Variants in CLGN observed in about 807,000 individuals in gnomAD.
The protein encoded by CLGN is testis tissue sperm-binding protein Li 79P.
A neutral mutation model predicts 79.1 loss-of-function variants in CLGN; 62 were observed. That is an observed-to-expected ratio of 0.78 (90% CI 0.64 to 0.97). CLGN has a LOEUF of 0.97. Among genes scored for constraint, CLGN ranks in the 50% least tolerant of loss-of-function variants. CLGN has a pLI of 0.00. For missense variants in CLGN, 647 were observed against 715.5 expected, an observed-to-expected ratio of 0.90 and a Z score of 1.09; for synonymous variants, 225 against 224.7, an observed-to-expected ratio of 1.00 and a Z score of -0.01.
At chr4:140,400,265 G>A in intron 7 of CLGN, 92 bp downstream of exon 7, 1 of 845,506 alleles carries the variant, frequency 1.2e-6, no homozygotes, top group Non-Finnish European at 1.9e-6. Context: ...TCAGGATGGG[G>A]TACACATTTG....
chr4:140,392,505 T>C, intron 12 of CLGN, 81 bp downstream of exon 12: 1 of 1,505,872 alleles, frequency 6.6e-7, no homozygotes, highest in Non-Finnish European at 8.9e-7. Flanking sequence ...TTTATTACTT[T>C]TAAGAATCGC....
chr4:140,405,169 TTTTA>T (rs1281941569), intron 5 of CLGN, among the ~76,000 whole-genome samples: 2 of 81,460 alleles, frequency 2.5e-5, no homozygotes, highest in African/African-American at 6.9e-5. Context: ...AAGTAATTTT[TTTTA>T]TTTTTATTTT....
chr4:140,395,703 A>T (rs1026039506), intron 10 of CLGN, 116 bp downstream of exon 10: 2 of 810,602 alleles, frequency 2.5e-6, no homozygotes, highest in Non-Finnish European at 3.5e-6. Context: ...ATTTTCTTTG[A>T]CATCTTAAAA....
intron 1 of CLGN, among the ~76,000 whole-genome samples, chr4:140,414,030 C>T (rs1341636496): frequency 6.6e-6 from 1 of 152,236 alleles, no homozygotes; most frequent in Non-Finnish European, 1.5e-5. Flanking sequence ...AGACTGCCTC[C>T]TCAAGTGGGT....
rs769440053 is a variant in CLGN at position 140,395,807 on chromosome 4, A to C, written c.1149+12T>G. On this transcript the variant is annotated intron_variant, in intron 10 of 14. Transcript: ENST00000325617. ...TTAACTTCACTAAATAATTGGAACA[A>C]GCGGTTGTTACCTGATAGTTAGGAT... The C allele has an allele frequency of 5.7e-6, 8 of 1,413,402 alleles. No homozygotes were observed. Among genetic ancestry groups the C allele is most frequent in the Non-Finnish European group, 7.4e-6 (8 of 1,080,286 alleles). The allele number at this position is 1,413,402 out of a possible 1,614,324, so 87.6% of individuals were successfully genotyped here. A position where few individuals can be genotyped will look rare whatever the true frequency, so the allele number is the denominator to read the frequency against.
chr4:140,406,157 A>T, intron 4 of CLGN, 74 bp from the exon 5 acceptor site: 1 of 1,443,414 alleles, frequency 6.9e-7, no homozygotes, highest in Non-Finnish European at 9.4e-7. Flanking sequence ...AGCAGTTGTG[A>T]ACAATAATTT....
At chr4:140,408,884 T>TATATATAC (rs778910042) in intron 4 of CLGN, among the ~76,000 whole-genome samples, 9 of 145,592 alleles carry the variant, frequency 6.2e-5, no homozygotes, top group East Asian at 6.0e-4. Flanking sequence ...TATATATATA[T>TATATATAC]ACACACACAC....
At chr4:140,390,997 C>A (rs1458205175) in intron 13 of CLGN, among the ~76,000 whole-genome samples, 2 of 151,652 alleles carry the variant, frequency 1.3e-5, no homozygotes, top group East Asian at 3.9e-4. Context: ...AAATAATAAT[C>A]TTTCCTGTGT....
At chr4:140,397,415 A>T (rs538439679) in intron 8 of CLGN, among the ~76,000 whole-genome samples, 7 of 150,042 alleles carry the variant, frequency 4.7e-5, no homozygotes, top group African/African-American at 1.5e-4. Context: ...ATTGAAAATA[A>T]TTTTTCCTGG....
chr4:140,414,153 G>C (rs922125660), intron 1 of CLGN, among the ~76,000 whole-genome samples: 1 of 152,144 alleles, frequency 6.6e-6, no homozygotes, highest in African/African-American at 2.4e-5. Flanking sequence ...TCTGTTAGAA[G>C]GAAAACTAAC....
At chr4:140,415,489 TA>T (rs1323404849) in intron 1 of CLGN, among the ~76,000 whole-genome samples, 3 of 151,656 alleles carry the variant, frequency 2.0e-5, no homozygotes, top group Admixed American at 6.6e-5. Flanking sequence ...AGGCTCCAAA[TA>T]AAAGGATGGA....
chr4:140,397,217 G>T (rs926993626), intron 8 of CLGN, among the ~76,000 whole-genome samples: 1 of 151,832 alleles, frequency 6.6e-6, no homozygotes, highest in Non-Finnish European at 1.5e-5. Context: ...GCATGCAAAA[G>T]TACCTATTTT....
Position 140,389,270 on chromosome 4 carries a change from T to G in CLGN, c.1787A>C (p.Asp596Ala). 1 of 1,612,572 alleles carries G rather than the reference T, an allele frequency of 6.2e-7. No individual in the cohort carries two copies. The highest frequency in any genetic ancestry group is 8.5e-7 in the Non-Finnish European group (1 of 1,178,916). The change falls in exon 15 of 15, where the codon GAT (aspartate) becomes GCT (alanine). Residue 596 changes from aspartate (D) to alanine (A), a missense_variant. Coordinates refer to ENST00000325617, the MANE Select transcript of CLGN (RefSeq NM_004362.3). ...TTTGCGTACTGACTTTATCGGCCCATCTCCAGATCCTGTGCTCTCATCTGC... is the reference window on the plus strand; with the variant it reads ...TTTGCGTACTGACTTTATCGGCCCAGCTCCAGATCCTGTGCTCTCATCTGC... ...KEADESTGSG[D>A]GPIKSVRKRR...
chr4:140,415,229 C>A (rs1729303833), intron 1 of CLGN, among the ~76,000 whole-genome samples: 1 of 152,148 alleles, frequency 6.6e-6, no homozygotes, highest in African/African-American at 2.4e-5. Flanking sequence ...ACAACAGGTA[C>A]CAGCTGCTGC....
Position 140,425,656 on chromosome 4 carries a change from T to C in CLGN, c.-10+1881A>G, listed in dbSNP as rs1729554139. 1.5e-5 allele frequency among the ~76,000 whole-genome samples: 2 copies of C among 134,474 alleles called. 1 individual carries two copies. The highest frequency in any genetic ancestry group is 4.7e-4 in the South Asian group (2 of 4,218). 88.2% of individuals were successfully genotyped at this position (134,474 alleles called of 152,430 possible). A position where few individuals can be genotyped will look rare whatever the true frequency, so the allele number is the denominator to read the frequency against. On this transcript the variant is annotated intron_variant, in intron 1 of 14. Transcript: ENST00000325617. Reference sequence around the variant, plus strand: ...TTTTTTTTTTTTTTTTGAGATGGAGTCTTGCTCTGTCACCCAGGCTGGAGT... The same window carrying C: ...TTTTTTTTTTTTTTTTGAGATGGAGCCTTGCTCTGTCACCCAGGCTGGAGT...
intron 2 of CLGN, 108 bp from the exon 3 acceptor site, chr4:140,410,734 A>G (rs887920034): frequency 5.0e-5 from 33 of 666,112 alleles, no homozygotes; most frequent in Non-Finnish European, 7.5e-5. Flanking sequence ...CAGGTAATAC[A>G]GATATGAGGT....
rs993712820 is a variant in CLGN at position 140,406,211 on chromosome 4, A to G, written c.278-128T>C. ...TTGGGAAAAATAAAAATTTTAAATC[A>G]GGAAATATCTTCAACTATATATGTA... On this transcript the variant is annotated intron_variant, in intron 4 of 14. Transcript: ENST00000325617. 3 of 814,684 alleles carry G rather than the reference A, an allele frequency of 3.7e-6. No homozygotes were observed. In the African/African-American group the frequency reaches 5.3e-5, roughly 14 times the overall value. The allele number at this position is 814,684 out of a possible 1,614,324, so 50.5% of individuals were successfully genotyped here. A position where few individuals can be genotyped will look rare whatever the true frequency, so the allele number is the denominator to read the frequency against.
chr4:140,396,849 T>A (rs1728886569), intron 8 of CLGN, among the ~76,000 whole-genome samples: 1 of 143,476 alleles, frequency 7.0e-6, no homozygotes, highest in African/African-American at 2.6e-5. Context: ...TGAGCCACCA[T>A]GCCTGGCTGG....
chr4:140,422,900 A>G (rs1438678649), intron 1 of CLGN, among the ~76,000 whole-genome samples: 1 of 152,174 alleles, frequency 6.6e-6, no homozygotes, highest in Non-Finnish European at 1.5e-5. Flanking sequence ...TACAGGCATG[A>G]GCCACCATGC....
Sources: allele counts gnomAD v4.1 joint callset (sites outside exome capture counted in the v4.1 genomes callset), GRCh38; gene constraint gnomAD v4.1.1; transcripts MANE v1.5; gene names NCBI Gene and HGNC (gene_info 2026-07-23, HGNC 2026-07-21).